The following STK24 variants were observed in gnomAD, a reference collection of about 807,000 sequenced individuals.
STK24 encodes serine/threonine-protein kinase 24.
STK24 carries 21 observed loss-of-function variants against 55.6 expected under a neutral mutation model. The ratio of observed to expected loss-of-function variants is 0.38; its 90% CI spans 0.27 to 0.54. STK24 has a LOEUF of 0.54. STK24 is among the 20% of genes least tolerant of loss of function. The pLI, the probability that STK24 is intolerant of heterozygous loss-of-function variation, is 0.79. For synonymous variants in STK24, 200 were observed against 215.2 expected, an observed-to-expected ratio of 0.93 and a Z score of 0.62; for missense variants, 383 against 538.4, an observed-to-expected ratio of 0.71 and a Z score of 2.86.
At chr13:98,575,402 T>C (rs1322046879) in intron 1 of STK24, among the ~76,000 whole-genome samples, 3 of 98,550 alleles carry the variant, frequency 3.0e-5, no homozygotes, top group Non-Finnish European at 7.2e-5. Flanking sequence ...ATACTGCTTA[T>C]ATATACACAC....
At position 98,480,633 on chromosome 13, in the gene STK24, T is replaced by C. The variant is rs553521285; in HGVS notation, c.330+1632A>G. The stretch of plus-strand genomic sequence containing the variant: ...ATTATTTTTATGGTTTATAATAATA[T>C]TTGATTATGTAAATTGGGTACGTTA... On this transcript the variant is annotated intron_variant, in intron 3 of 10. Transcript: ENST00000539966. 9.8e-5 allele frequency among the ~76,000 whole-genome samples: 15 copies of C among 152,358 alleles called. No homozygotes were observed. The East Asian group carries it at 1.9e-3, about 20-fold the overall frequency.
At chr13:98,484,007 G>A (rs1894704894) in intron 2 of STK24, among the ~76,000 whole-genome samples, 1 of 152,220 alleles carries the variant, frequency 6.6e-6, no homozygotes, top group Non-Finnish European at 1.5e-5. Context: ...GACCGGACAA[G>A]TGCGGAAACC....
rs550078821 is a variant in STK24, at chr13:98,452,642, T to C, written c.*531A>G. On this transcript the variant is annotated 3_prime_UTR_variant, in exon 11 of 11. Coordinates refer to ENST00000539966, the MANE Select transcript of STK24 (RefSeq NM_001032296.4). ...CTCAAGTTATGGCCTGTCGAATATT[T>C]ACTCCACTGACGTTATCTACAGAAG... 1 of 152,990 alleles carries C rather than the reference T, an allele frequency of 6.5e-6. No individual in the cohort carries two copies. The highest frequency in any genetic ancestry group is 2.1e-4 in the South Asian group (1 of 4,842). The allele number at this position is 152,990 out of a possible 1,614,324, so 9.5% of individuals were successfully genotyped here. A position where few individuals can be genotyped will look rare whatever the true frequency, so the allele number is the denominator to read the frequency against.
At chr13:98,459,084 G>A (rs991609587) in intron 9 of STK24, among the ~76,000 whole-genome samples, 7 of 152,172 alleles carry the variant, frequency 4.6e-5, no homozygotes, top group African/African-American at 1.7e-4. Context: ...AGCCTCAGGA[G>A]AATGAAAAAG....
chr13:98,549,505 C>A (rs1897110272), intron 1 of STK24, among the ~76,000 whole-genome samples: 2 of 152,140 alleles, frequency 1.3e-5, no homozygotes, highest in Admixed American at 6.5e-5. Context: ...GGGGTGGATC[C>A]CTCGCGGCTT....
At chr13:98,543,745 A>G (rs533802252) in intron 1 of STK24, among the ~76,000 whole-genome samples, 2 of 152,274 alleles carry the variant, frequency 1.3e-5, no homozygotes, top group South Asian at 4.1e-4. Flanking sequence ...AGGAGCTGCC[A>G]GCCGCCCCGA....
At position 98,479,019 on chromosome 13, in the gene STK24, T is replaced by C. The variant is rs751885021; in HGVS notation, c.330+3246A>G. Among the ~76,000 whole-genome samples the C allele has an allele frequency of 2.6e-5, 4 of 152,154 alleles. No individual in the cohort carries two copies. In the East Asian group the frequency reaches 7.7e-4, roughly 29 times the overall value. ...TGTGTCCAACGGCAATAATCCCCAA[T>C]GGCCAGAGCAGCCCCTGACACGCGG... On this transcript the variant is annotated intron_variant, in intron 3 of 10. Transcript: ENST00000539966.
At chr13:98,568,079 A>G (rs1223085195) in intron 1 of STK24, among the ~76,000 whole-genome samples, 1 of 151,266 alleles carries the variant, frequency 6.6e-6, no homozygotes, top group African/African-American at 2.4e-5. Flanking sequence ...GGCTCCCTGC[A>G]ACTTCCGTCT....
chr13:98,480,850 A>G (rs904934673), intron 3 of STK24, among the ~76,000 whole-genome samples: 5 of 152,258 alleles, frequency 3.3e-5, no homozygotes, highest in African/African-American at 1.2e-4. Context: ...CAGTCTCCCA[A>G]AAGTGAACAG....
At chr13:98,527,979 A>G (rs1448726533) in intron 1 of STK24, among the ~76,000 whole-genome samples, 6 of 152,134 alleles carry the variant, frequency 3.9e-5, no homozygotes, top group Non-Finnish European at 5.9e-5. Flanking sequence ...AAGCAAAAGG[A>G]GAGCTCTGGG....
intron 1 of STK24, among the ~76,000 whole-genome samples, chr13:98,537,412 G>A (rs1035363965): frequency 7.9e-5 from 12 of 152,238 alleles, no homozygotes; most frequent in Middle Eastern, 3.2e-3. Flanking sequence ...CCCGGCACAC[G>A]GGAGACCTCA....
At position 98,450,707 on chromosome 13, in the gene STK24, A is replaced by C. The variant is rs1893146912; in HGVS notation, c.*2466T>G. ...CTACTGGTGACAGTAAACCCGTCTC[A>C]AAGGCTGGGCCTGGCTACAGACCAG... is the stretch of plus-strand genomic sequence containing the variant. On this transcript the variant is annotated 3_prime_UTR_variant, in exon 11 of 11. Coordinates refer to ENST00000539966, the MANE Select transcript of STK24 (RefSeq NM_001032296.4). The C allele has an allele frequency of 6.6e-6, 1 of 152,182 alleles. No homozygotes were observed. The highest frequency in any genetic ancestry group is 2.1e-4 in the South Asian group (1 of 4,834). 9.4% of individuals were successfully genotyped at this position (152,182 alleles called of 1,614,324 possible). A position where few individuals can be genotyped will look rare whatever the true frequency, so the allele number is the denominator to read the frequency against.
chr13:98,463,153 C>CCAGA (rs1424268268), intron 7 of STK24, among the ~76,000 whole-genome samples: 1 of 152,148 alleles, frequency 6.6e-6, no homozygotes, highest in Non-Finnish European at 1.5e-5. Flanking sequence ...GCTCGGACTT[C>CCAGA]CAGACACAAG....
chr13:98,519,529 C>G (rs1420213972), intron 1 of STK24, 56 bp from the exon 2 acceptor site: 1 of 1,350,344 alleles, frequency 7.4e-7, no homozygotes, highest in African/African-American at 1.5e-5. Context: ...CACCACAACT[C>G]CTTTGTCAAT....
chr13:98,534,341 T>G, intron 1 of STK24, among the ~76,000 whole-genome samples: 1 of 152,198 alleles, frequency 6.6e-6, no homozygotes, highest in Middle Eastern at 3.2e-3. Flanking sequence ...ACCGACTCCA[T>G]CTTGCTTCTA....
intron 2 of STK24, among the ~76,000 whole-genome samples, chr13:98,499,841 G>A (rs1365381315): frequency 6.6e-6 from 1 of 152,178 alleles, no homozygotes; most frequent in East Asian, 1.9e-4. Flanking sequence ...TAACTGAAAG[G>A]ACTAAATGCA....
intron 6 of STK24, among the ~76,000 whole-genome samples, chr13:98,464,697 A>G (rs190966580): frequency 6.6e-6 from 1 of 151,820 alleles, no homozygotes; most frequent in Admixed American, 6.5e-5. Context: ...GGATTTCACC[A>G]TGTTAGCCAG....
intron 1 of STK24, among the ~76,000 whole-genome samples, chr13:98,575,026 T>C (rs1026913097): frequency 6.6e-6 from 1 of 152,350 alleles, no homozygotes; most frequent in Non-Finnish European, 1.5e-5. Flanking sequence ...TCCAACCTGA[T>C]GAACACGGTA....
chr13:98,571,836 C>CT (rs1897748150), intron 1 of STK24, among the ~76,000 whole-genome samples: 1 of 152,208 alleles, frequency 6.6e-6, no homozygotes, highest in South Asian at 2.1e-4. Context: ...GGCTGTCCTA[C>CT]TGACACCTGG....
Sources: allele counts gnomAD v4.1 joint callset (sites outside exome capture counted in the v4.1 genomes callset), GRCh38; gene constraint gnomAD v4.1.1; transcripts MANE v1.5; gene names NCBI Gene and HGNC (gene_info 2026-07-23, HGNC 2026-07-21).